SMCO4: variants seen among roughly 807,000 people sequenced by gnomAD.
SMCO4 encodes the protein single-pass membrane protein with coiled-coil domains 4, also known as single-pass membrane and coiled-coil domain-containing protein 4.
In SMCO4, 4 loss-of-function variants were observed where a neutral mutation model predicts 3.6. That is an observed-to-expected ratio of 1.11 (90% confidence interval 0.54 to 2.53). The LOEUF is 2.53. SMCO4 is among the 30% of genes most tolerant of loss of function. SMCO4 has a pLI of 0.02. For missense variants in SMCO4, 70 were observed against 80.8 expected, an observed-to-expected ratio of 0.87 and a Z score of 0.51; for synonymous variants, 36 against 35.3, an observed-to-expected ratio of 1.02 and a Z score of -0.07.
intron 1 of SMCO4, among the ~76,000 whole-genome samples, chr11:93,522,712 C>G (rs951063643): frequency 6.6e-6 from 1 of 152,198 alleles, no homozygotes; most frequent in Non-Finnish European, 1.5e-5. Flanking sequence ...GTCTGGGAGT[C>G]TGATGAGAGA....
chr11:93,505,067 T>G (rs982700997), intron 1 of SMCO4, among the ~76,000 whole-genome samples: 1 of 152,220 alleles, frequency 6.6e-6, no homozygotes, highest in Non-Finnish European at 1.5e-5. Flanking sequence ...TGTCTCACGC[T>G]GTAACAGATC....
chr11:93,486,714 C>T (rs1205785655), intron 2 of SMCO4, among the ~76,000 whole-genome samples: 1 of 152,096 alleles, frequency 6.6e-6, no homozygotes, highest in African/African-American at 2.4e-5. Context: ...GGGTGCCTGC[C>T]GAGAAGAGCT....
chr11:93,502,410 G>A (rs1276762877), intron 1 of SMCO4, among the ~76,000 whole-genome samples: 8 of 152,046 alleles, frequency 5.3e-5, no homozygotes, highest in Non-Finnish European at 1.0e-4. Flanking sequence ...ACAAAGCAAG[G>A]ATTTCATTTT....
the SMCO4 span, among the ~76,000 whole-genome samples, chr11:93,549,531 T>C: frequency 6.6e-6 from 1 of 152,004 alleles, no homozygotes; most frequent in South Asian, 2.1e-4. Context: ...TCACTGCAGC[T>C]TCAACCTCCT....
chr11:93,504,200 A>G (rs1236419367), intron 1 of SMCO4, among the ~76,000 whole-genome samples: 1 of 152,234 alleles, frequency 6.6e-6, no homozygotes, highest in South Asian at 2.1e-4. Context: ...AGAAATCAAG[A>G]GGTCCAAAAA....
chr11:93,481,644 T>C (rs984490561), intron 2 of SMCO4: 3 of 370,238 alleles, frequency 8.1e-6, no homozygotes, highest in Non-Finnish European at 1.1e-5. Context: ...GTCACCCAGT[T>C]TGTAAATACC....
chr11:93,530,613 C>A (rs116502063), intron 1 of SMCO4, among the ~76,000 whole-genome samples: 2,436 of 152,284 alleles, frequency 0.016, 75 homozygotes, highest in African/African-American at 0.056. Flanking sequence ...ACAGTCCACG[C>A]AAAGAAGGAC....
At chr11:93,484,710 T>C (rs1948628614) in intron 2 of SMCO4, among the ~76,000 whole-genome samples, 1 of 149,568 alleles carries the variant, frequency 6.7e-6, no homozygotes, top group African/African-American at 2.5e-5. Flanking sequence ...TTTTGCACCA[T>C]ATAACCCATG....
At chr11:93,482,080 G>C (rs1948598350) in intron 2 of SMCO4, among the ~76,000 whole-genome samples, 1 of 152,272 alleles carries the variant, frequency 6.6e-6, no homozygotes, top group African/African-American at 2.4e-5. Context: ...TGGGGCCAGG[G>C]CCGGTCTGGT....
rs868795050 is a variant in SMCO4 at position 93,505,668 on chromosome 11, T to C, written c.-153-6320A>G. On this transcript the variant is annotated intron_variant, in intron 1 of 2. Transcript: ENST00000298966. Reference sequence around the variant, plus strand: ...TTAAAGATTCACAATATATACCTTATACAACAAAGGATCTTGAAAATCCTT... The same window carrying C: ...TTAAAGATTCACAATATATACCTTACACAACAAAGGATCTTGAAAATCCTT... Among the ~76,000 whole-genome samples the C allele has an allele frequency of 6.6e-5, 10 of 152,320 alleles. 1 individual carries two copies. The highest frequency in any genetic ancestry group is 6.8e-3 in the Middle Eastern group (2 of 294).
upstream of SMCO4, among the ~76,000 whole-genome samples, chr11:93,545,839 T>A (rs1409383958): frequency 6.6e-6 from 1 of 152,126 alleles, no homozygotes; most frequent in East Asian, 1.9e-4. Context: ...AAGCAGGGGC[T>A]TTCGATGTGC....
At chr11:93,506,127 G>A (rs1223415685) in intron 1 of SMCO4, among the ~76,000 whole-genome samples, 3 of 152,094 alleles carry the variant, frequency 2.0e-5, no homozygotes, top group African/African-American at 7.2e-5. Context: ...ACACACACAC[G>A]GGGAGGGAGA....
the SMCO4 span, among the ~76,000 whole-genome samples, chr11:93,549,200 C>T: frequency 6.6e-6 from 1 of 152,124 alleles, no homozygotes; most frequent in Non-Finnish European, 1.5e-5. Flanking sequence ...ACTCTTCCAC[C>T]GTAGGGGAGC....
chr11:93,539,372 TGTA>T lies in SMCO4; in HGVS notation c.-154+3901_-154+3903del, dbSNP rs200273561. ...CAAAATTAACTCATTATCAAAATAATGTAGGAGGACGGAAGGAACAGGAAGAGA... is the reference window on the plus strand; with the variant it reads ...CAAAATTAACTCATTATCAAAATAATGGAGGACGGAAGGAACAGGAAGAGA... On this transcript the variant is annotated intron_variant, in intron 1 of 2. Coordinates refer to ENST00000298966, the MANE Select transcript of SMCO4 (RefSeq NM_020179.3). Among the ~76,000 whole-genome samples the T allele has an allele frequency of 1.8e-4, 28 of 151,956 alleles. No individual in the cohort carries two copies. In the East Asian group the frequency reaches 3.3e-3, roughly 18 times the overall value.
chr11:93,546,515 A>G (rs2134649006), upstream of SMCO4, among the ~76,000 whole-genome samples: 1 of 152,274 alleles, frequency 6.6e-6, no homozygotes, highest in Middle Eastern at 3.4e-3. Context: ...ATAGATCACG[A>G]AACATCAGAG....
At chr11:93,511,596 T>A (rs551528329) in intron 1 of SMCO4, among the ~76,000 whole-genome samples, 3 of 152,144 alleles carry the variant, frequency 2.0e-5, no homozygotes, top group Non-Finnish European at 4.4e-5. Flanking sequence ...ATGTGTCTAA[T>A]GGTCCCCATC....
chr11:93,513,202 T>C (rs1262512815), intron 1 of SMCO4, among the ~76,000 whole-genome samples: 1 of 152,230 alleles, frequency 6.6e-6, no homozygotes, highest in African/African-American at 2.4e-5. Context: ...TTCCCTCTTT[T>C]GTAAAATAAG....
At chr11:93,543,104 G>T in intron 1 of SMCO4, among the ~76,000 whole-genome samples, 172 bp downstream of exon 1, 1 of 151,212 alleles carries the variant, frequency 6.6e-6, no homozygotes, top group East Asian at 2.0e-4. Flanking sequence ...CTCGGGACCC[G>T]CCGGGCGCCC....
intron 1 of SMCO4, among the ~76,000 whole-genome samples, chr11:93,540,047 T>C (rs77749327): frequency 0.017 from 2,657 of 152,146 alleles, 94 homozygotes; most frequent in African/African-American, 0.061. Context: ...ACCTGTCCTT[T>C]CTGGCTTACG....
Sources: gnomAD v4.1 joint callset for allele counts (sites outside exome capture counted in the v4.1 genomes callset) on GRCh38, gnomAD v4.1.1 for gene constraint, MANE v1.5 for transcripts, NCBI Gene and HGNC (gene_info 2026-07-23, HGNC 2026-07-21) for gene names.